Variants in LARGE1 observed in about 807,000 individuals in gnomAD.
LARGE1 encodes LARGE xylosyl- and glucuronyltransferase 1.
A neutral mutation model predicts 87.6 loss-of-function variants in LARGE1; 43 were observed. The observed-to-expected ratio is 0.49, with a 90% confidence interval of 0.38 to 0.63. The LOEUF (loss-of-function observed/expected upper bound fraction) is 0.63. Ranked by LOEUF, LARGE1 falls within the 30% of genes least tolerant of loss-of-function variation. LARGE1 has a pLI of 0.00. For synonymous variants in LARGE1, 434 were observed against 394.6 expected, an observed-to-expected ratio of 1.10 and a Z score of -1.18; for missense variants, 802 against 1,000.2, an observed-to-expected ratio of 0.80 and a Z score of 2.67.
chr22:33,161,841 G>C (rs951923507), downstream of LARGE1, among the ~76,000 whole-genome samples: 1 of 152,108 alleles, frequency 6.6e-6, no homozygotes, highest in African/African-American at 2.4e-5. Flanking sequence ...CTGGGGTCTA[G>C]AGGATGAGGA....
At chr22:33,581,759 C>T (rs568615086) in intron 5 of LARGE1, among the ~76,000 whole-genome samples, 2 of 150,228 alleles carry the variant, frequency 1.3e-5, no homozygotes, top group East Asian at 4.0e-4. Flanking sequence ...TTGCAGTGAG[C>T]CGAGATTGTG....
At chr22:33,628,318 C>CT (rs35066040) in intron 3 of LARGE1, among the ~76,000 whole-genome samples, 3,227 of 132,938 alleles carry the variant, frequency 0.024, 40 homozygotes, top group Middle Eastern at 0.05. Context: ...ACTGTTTTTG[C>CT]TTTTTTTTTT....
At chr22:33,503,658 G>A (rs370673464) in intron 6 of LARGE1, among the ~76,000 whole-genome samples, 3 of 151,764 alleles carry the variant, frequency 2.0e-5, no homozygotes, top group East Asian at 4.0e-4. Flanking sequence ...AATTAGCTGG[G>A]TGCGGTCGTG....
chr22:33,353,283 T>C (rs1940568953), intron 9 of LARGE1, among the ~76,000 whole-genome samples: 1 of 152,232 alleles, frequency 6.6e-6, no homozygotes, highest in African/African-American at 2.4e-5. Flanking sequence ...GGTCTTAAGC[T>C]TGACAATGTT....
intron 7 of LARGE1, among the ~76,000 whole-genome samples, chr22:33,396,883 G>A (rs2065764607): frequency 1.3e-5 from 2 of 152,186 alleles, no homozygotes. Flanking sequence ...TTGGTGGCTG[G>A]CAAATACTTT....
At chr22:33,740,560 G>A (rs987290629) in intron 2 of LARGE1, among the ~76,000 whole-genome samples, 1 of 152,078 alleles carries the variant, frequency 6.6e-6, no homozygotes. Context: ...TGTCTTTCTC[G>A]GACTCTAGTC....
chr22:33,440,380 T>C (rs2147812028), intron 6 of LARGE1, among the ~76,000 whole-genome samples: 1 of 152,220 alleles, frequency 6.6e-6, no homozygotes, highest in Non-Finnish European at 1.5e-5. Context: ...TGCTATCTCC[T>C]TTTTTCCACC....
At chr22:33,433,607 C>CAAAAAAAAAAA (rs57605083) in intron 6 of LARGE1, among the ~76,000 whole-genome samples, 375 of 88,266 alleles carry the variant, frequency 4.2e-3, no homozygotes, top group East Asian at 5.4e-3. Context: ...AAAAACAAAA[C>CAAAAAAAAAAA]AAAAAAAAAA....
At chr22:33,502,693 C>T (rs2070524270) in intron 6 of LARGE1, among the ~76,000 whole-genome samples, 1 of 152,118 alleles carries the variant, frequency 6.6e-6, no homozygotes, top group Non-Finnish European at 1.5e-5. Flanking sequence ...CTCAGCCTCC[C>T]AAGTAGCTGG....
chr22:33,396,457 G>A (rs9798747), intron 7 of LARGE1, among the ~76,000 whole-genome samples: 1 of 140,358 alleles, frequency 7.1e-6, no homozygotes, highest in Non-Finnish European at 1.5e-5. Flanking sequence ...GAGACAGAGA[G>A]AGTGACAGAG....
intron 2 of LARGE1, among the ~76,000 whole-genome samples, chr22:33,705,408 C>A (rs2082531880): frequency 6.6e-6 from 1 of 152,178 alleles, no homozygotes; most frequent in South Asian, 2.1e-4. Flanking sequence ...CTTGTGATGA[C>A]CTGGCTCTCT....
At chr22:33,758,204 T>TTGC (rs1172888633) in intron 2 of LARGE1, among the ~76,000 whole-genome samples, 1 of 152,196 alleles carries the variant, frequency 6.6e-6, no homozygotes, top group Non-Finnish European at 1.5e-5. Context: ...CTTTGTCTGT[T>TTGC]TGCTGAAGCT....
At chr22:33,652,670 G>A (rs2080855546) in intron 2 of LARGE1, among the ~76,000 whole-genome samples, 1 of 152,088 alleles carries the variant, frequency 6.6e-6, no homozygotes. Flanking sequence ...CCAGACCCCT[G>A]AGCTTCAAAA....
intron 1 of LARGE1, among the ~76,000 whole-genome samples, chr22:33,854,987 A>G (rs191203039): frequency 6.6e-6 from 1 of 152,274 alleles, no homozygotes; most frequent in African/African-American, 2.4e-5. Context: ...AGAGAGAGAG[A>G]GCACTTTCCA....
At chr22:33,883,414 A>T (rs1376600051) in intron 1 of LARGE1, among the ~76,000 whole-genome samples, 2 of 152,142 alleles carry the variant, frequency 1.3e-5, no homozygotes, top group Non-Finnish European at 2.9e-5. Flanking sequence ...TCCCTGGCCC[A>T]AGTCACCCTC....
At chr22:33,917,033 G>A (rs538037129) in intron 1 of LARGE1, among the ~76,000 whole-genome samples, 13 of 152,194 alleles carry the variant, frequency 8.5e-5, no homozygotes, top group African/African-American at 4.8e-5. Flanking sequence ...TGCACTACAC[G>A]TATGGGTAAA....
chr22:33,768,225 C>T (rs1021432743), intron 1 of LARGE1, among the ~76,000 whole-genome samples: 5 of 152,090 alleles, frequency 3.3e-5, no homozygotes, highest in South Asian at 2.1e-4. Context: ...AAGAGAATGG[C>T]GTGAACCCAG....
chr22:33,903,113 C>T (rs775463359), intron 1 of LARGE1, among the ~76,000 whole-genome samples: 2 of 152,132 alleles, frequency 1.3e-5, no homozygotes, highest in Non-Finnish European at 2.9e-5. Flanking sequence ...GCCCAGGCAA[C>T]AAGAGCGAAA....
At chr22:33,796,767 CT>C (rs35532520) in intron 1 of LARGE1, among the ~76,000 whole-genome samples, 26,128 of 106,116 alleles carry the variant, frequency 0.25, 2,379 homozygotes, top group East Asian at 0.35. Flanking sequence ...AAGACTTGGG[CT>C]TTTTTTTTTT....
Sources: allele counts gnomAD v4.1 joint callset (sites outside exome capture counted in the v4.1 genomes callset), GRCh38; gene constraint gnomAD v4.1.1; transcripts MANE v1.5; gene names NCBI Gene and HGNC (gene_info 2026-07-23, HGNC 2026-07-21).